Variants in MKLN1 observed in about 807,000 individuals in gnomAD.
The protein encoded by MKLN1 is muskelin 1.
MKLN1 carries 18 observed loss-of-function variants against 99.0 expected under a neutral mutation model. That is an observed-to-expected ratio of 0.18 (90% CI 0.13 to 0.27). MKLN1 has a LOEUF of 0.27. MKLN1 is among the 10% of genes least tolerant of loss of function. The pLI, the probability that MKLN1 is intolerant of heterozygous loss-of-function variation, is 1.00. For synonymous variants in MKLN1, 288 were observed against 293.2 expected (o/e 0.98, Z 0.18); for missense variants, 621 against 875.9 (o/e 0.71, Z 3.67).
intron 2 of MKLN1, among the ~76,000 whole-genome samples, chr7:131,185,468 T>C (rs1254496680): frequency 2.0e-5 from 3 of 151,186 alleles, no homozygotes; most frequent in African/African-American, 7.3e-5. Context: ...ATGCCTGTAA[T>C]CCCAGCTACT....
At position 131,389,516 on chromosome 7, in the gene MKLN1, C is replaced by T. The variant is rs193098050; in HGVS notation, c.400+544C>T. Among the ~76,000 whole-genome samples, 505 of 151,912 alleles carry T rather than the reference C, an allele frequency of 3.3e-3. 3 individuals carry two copies. Among genetic ancestry groups the T allele is most frequent in the Admixed American group, 6.2e-3 (95 of 15,256 alleles). On this transcript the variant is annotated intron_variant, in intron 4 of 17. Coordinates refer to ENST00000352689, the MANE Select transcript of MKLN1 (RefSeq NM_013255.5). ...CCATTAAATTGATTTAATGACCCAT[C>T]GATAGGTTGCAAATCACTGTTTGAA... is the stretch of plus-strand genomic sequence containing the variant.
intron 2 of MKLN1, among the ~76,000 whole-genome samples, chr7:131,153,118 T>A (rs1219906262): frequency 1.3e-5 from 2 of 151,580 alleles, no homozygotes; most frequent in African/African-American, 4.8e-5. Context: ...TCTTTTGTGA[T>A]GTTACCTAGA....
chr7:131,421,996 T>TTTAGTAGTGAAGAATAAC (rs1490368709), intron 8 of MKLN1, among the ~76,000 whole-genome samples: 31 of 152,238 alleles, frequency 2.0e-4, no homozygotes, highest in African/African-American at 7.2e-4. Context: ...ATCAGGTAGG[T>TTTAGTAGTGAAGAATAAC]TTAGTAGTGA....
At chr7:131,298,724 A>G (rs879184582) in intron 3 of MKLN1, among the ~76,000 whole-genome samples, 9 of 152,244 alleles carry the variant, frequency 5.9e-5, no homozygotes, top group Middle Eastern at 3.4e-3. Flanking sequence ...TCTTGTACCT[A>G]GATTTGTTGC....
At chr7:131,370,204 T>A (rs1800304680) in intron 1 of MKLN1, among the ~76,000 whole-genome samples, 1 of 152,204 alleles carries the variant, frequency 6.6e-6, no homozygotes, top group African/African-American at 2.4e-5. Flanking sequence ...CAGTTGTGCA[T>A]CATTTAATAA....
chr7:131,366,247 A>G (rs926184876), intron 1 of MKLN1, among the ~76,000 whole-genome samples: 1 of 152,166 alleles, frequency 6.6e-6, no homozygotes, highest in Admixed American at 6.5e-5. Flanking sequence ...TTTCAGATCC[A>G]TTTTATCATA....
chr7:131,184,113 T>A (rs1224031293), intron 2 of MKLN1, among the ~76,000 whole-genome samples: 2 of 152,094 alleles, frequency 1.3e-5, no homozygotes, highest in Non-Finnish European at 2.9e-5. Context: ...CTGCAGGGAC[T>A]CTGTGATCAC....
intron 9 of MKLN1, among the ~76,000 whole-genome samples, chr7:131,434,791 C>G (rs764392532): frequency 1.3e-5 from 2 of 152,180 alleles, no homozygotes; most frequent in Non-Finnish European, 2.9e-5. Flanking sequence ...CTCCTTAACT[C>G]AACGAATCCT....
At chr7:131,367,830 A>G (rs958641074) in intron 1 of MKLN1, among the ~76,000 whole-genome samples, 3 of 152,230 alleles carry the variant, frequency 2.0e-5, no homozygotes, top group Non-Finnish European at 4.4e-5. Context: ...AGTAAAAATC[A>G]CATGTACAAA....
chr7:131,169,937 C>G (rs1385707769), intron 2 of MKLN1, among the ~76,000 whole-genome samples: 1 of 152,160 alleles, frequency 6.6e-6, no homozygotes, highest in Non-Finnish European at 1.5e-5. Context: ...CATAGAAAAC[C>G]CTTTCACCTA....
chr7:131,157,373 G>A (rs190446690), intron 2 of MKLN1, among the ~76,000 whole-genome samples: 10 of 152,230 alleles, frequency 6.6e-5, no homozygotes, highest in Admixed American at 5.2e-4. Context: ...ACTCCAGCCC[G>A]GCTGACAGAG....
intron 9 of MKLN1, among the ~76,000 whole-genome samples, chr7:131,436,336 T>A (rs1795675546): frequency 6.6e-6 from 1 of 152,198 alleles, no homozygotes; most frequent in Non-Finnish European, 1.5e-5. Flanking sequence ...TACAAGATCA[T>A]AAATTGTCTC....
At chr7:131,295,003 C>T (rs1373235412) in intron 3 of MKLN1, among the ~76,000 whole-genome samples, 1 of 152,102 alleles carries the variant, frequency 6.6e-6, no homozygotes, top group Non-Finnish European at 1.5e-5. Flanking sequence ...AATGACTTTC[C>T]CTTTGTAAGT....
rs534033269 is a variant in MKLN1, at chr7:131,394,967, T to G, written c.401-2300T>G. ...TATGGTTCACTGAATTACACAGATC[T>G]CCCAAATGTTGAAACACTTCATTAT... On this transcript the variant is annotated intron_variant, in intron 4 of 17. Transcript: ENST00000352689. 1.5e-3 allele frequency among the ~76,000 whole-genome samples: 228 copies of G among 152,150 alleles called. 2 individuals carry two copies. Among genetic ancestry groups the G allele is most frequent in the African/African-American group, 5.1e-3 (211 of 41,418 alleles).
intron 9 of MKLN1, among the ~76,000 whole-genome samples, chr7:131,430,341 T>G (rs934402098): frequency 2.0e-5 from 3 of 152,164 alleles, no homozygotes; most frequent in Non-Finnish European, 2.9e-5. Flanking sequence ...ATGTTGAAAT[T>G]CTGATTTACT....
At chr7:131,364,614 T>C (rs1800124397) in intron 1 of MKLN1, among the ~76,000 whole-genome samples, 1 of 152,108 alleles carries the variant, frequency 6.6e-6, no homozygotes, top group South Asian at 2.1e-4. Flanking sequence ...TCTTTTCTGC[T>C]CTTCTCATTC....
At position 131,125,162 on chromosome 7, in the gene MKLN1, A is replaced by C. The variant is rs139334832; in HGVS notation, c.-419+14955A>C. Among the ~76,000 whole-genome samples the C allele has an allele frequency of 4.5e-4, 68 of 152,346 alleles. 1 individual carries two copies. Among genetic ancestry groups the C allele is most frequent in the Middle Eastern group, 3.4e-3 (1 of 294 alleles). ...AAATGACAAAATTATTGGCACAGGG[A>C]CACGATATAGGGGTAATGGAGAACT... On this transcript the variant is annotated intron_variant, in intron 1 of 7. Transcript: ENST00000416992.
At chr7:131,351,646 T>TA (rs2116764956) in intron 1 of MKLN1, among the ~76,000 whole-genome samples, 1 of 152,124 alleles carries the variant, frequency 6.6e-6, no homozygotes, top group East Asian at 1.9e-4. Flanking sequence ...ATTTTTTTTT[T>TA]AGAGTCAAGG....
At chr7:131,120,884 T>C (rs187977994) in intron 1 of MKLN1, among the ~76,000 whole-genome samples, 1 of 152,356 alleles carries the variant, frequency 6.6e-6, no homozygotes, top group East Asian at 1.9e-4. Context: ...CGTTACCCAG[T>C]TCCAAAGTTG....
Sources: allele counts gnomAD v4.1 joint callset (sites outside exome capture counted in the v4.1 genomes callset), GRCh38; gene constraint gnomAD v4.1.1; transcripts MANE v1.5; gene names NCBI Gene and HGNC (gene_info 2026-07-23, HGNC 2026-07-21).